The following KCNMA1 variants were observed in gnomAD, a reference collection of about 807,000 sequenced individuals.
The protein encoded by KCNMA1 is Calcium-activated potassium channel subunit alpha-1.
A neutral mutation model predicts 140.0 loss-of-function variants in KCNMA1; 29 were observed. The observed-to-expected ratio is 0.21, with a 90% CI of 0.15 to 0.28. KCNMA1 has a LOEUF of 0.28. Among genes scored for constraint, KCNMA1 ranks in the 10% least tolerant of loss-of-function variants. The pLI, the probability that KCNMA1 is intolerant of heterozygous loss-of-function variation, is 1.00. For synonymous variants in KCNMA1, 612 were observed against 611.9 expected (o/e 1.00, Z 0.00); for missense variants, 880 against 1,602.2 (o/e 0.55, Z 7.70).
At chr10:77,409,720 T>A (rs4378328) in intron 1 of KCNMA1, among the ~76,000 whole-genome samples, 58,376 of 151,988 alleles carry the variant, frequency 0.38, 14,436 homozygotes, top group African/African-American at 0.71. Flanking sequence ...CACAGCCCCA[T>A]CCCTCAGATT....
At chr10:77,152,818 G>A (rs1402620080) in intron 5 of KCNMA1, among the ~76,000 whole-genome samples, 4 of 152,202 alleles carry the variant, frequency 2.6e-5, no homozygotes, top group Admixed American at 1.3e-4. Flanking sequence ...GGCACCAACA[G>A]GGCCAGCCTC....
chr10:77,401,896 C>T (rs977629390), intron 2 of KCNMA1, among the ~76,000 whole-genome samples: 1 of 152,200 alleles, frequency 6.6e-6, no homozygotes, highest in Non-Finnish European at 1.5e-5. Flanking sequence ...CACTTATCCT[C>T]CATGCATTCC....
At chr10:77,514,167 C>A (rs1347848166) in intron 1 of KCNMA1, among the ~76,000 whole-genome samples, 1 of 152,216 alleles carries the variant, frequency 6.6e-6, no homozygotes, top group Non-Finnish European at 1.5e-5. Context: ...TGCGTCAGAC[C>A]TTACTCAGGG....
At chr10:77,103,926 G>A (rs374539619) in intron 9 of KCNMA1, among the ~76,000 whole-genome samples, 80 of 152,294 alleles carry the variant, frequency 5.3e-4, no homozygotes, top group African/African-American at 1.9e-3. Context: ...TATACGGAAA[G>A]GTGGAGGAAG....
chr10:77,557,645 A>ATTT (rs148296325), intron 1 of KCNMA1, among the ~76,000 whole-genome samples: 30 of 131,914 alleles, frequency 2.3e-4, no homozygotes, highest in African/African-American at 4.0e-4. Flanking sequence ...CCAGGAAGTG[A>ATTT]TTTTTTTTTT....
intron 1 of KCNMA1, among the ~76,000 whole-genome samples, chr10:77,554,345 C>G (rs1441141317): frequency 6.6e-6 from 1 of 151,864 alleles, no homozygotes; most frequent in Non-Finnish European, 1.5e-5. Flanking sequence ...ACCTATAATC[C>G]CAGCACTTTG....
chr10:77,039,883 C>CTT (rs34943268), intron 14 of KCNMA1, among the ~76,000 whole-genome samples: 50,286 of 79,274 alleles, frequency 0.63, 15,948 homozygotes, highest in Admixed American at 0.66. Context: ...TTTTCTTTTT[C>CTT]TTTTTTTTTT....
chr10:76,897,856 T>A (rs2043257367), intron 25 of KCNMA1, among the ~76,000 whole-genome samples: 1 of 151,964 alleles, frequency 6.6e-6, no homozygotes, highest in Non-Finnish European at 1.5e-5. Context: ...AATAAAGGCA[T>A]GAAAATTGCC....
At chr10:77,442,950 G>T (rs529145479) in intron 1 of KCNMA1, among the ~76,000 whole-genome samples, 3 of 152,262 alleles carry the variant, frequency 2.0e-5, no homozygotes, top group South Asian at 4.2e-4. Flanking sequence ...CCTGGCTCAG[G>T]GTCCCTCACT....
intron 5 of KCNMA1, among the ~76,000 whole-genome samples, chr10:77,181,791 C>G (rs1222367485): frequency 2.0e-5 from 3 of 151,918 alleles, no homozygotes; most frequent in African/African-American, 7.3e-5. Flanking sequence ...ATACGATAAG[C>G]AAAAAATCCA....
At chr10:76,946,437 G>A (rs995324382) in intron 22 of KCNMA1, among the ~76,000 whole-genome samples, 1 of 152,202 alleles carries the variant, frequency 6.6e-6, no homozygotes, top group Non-Finnish European at 1.5e-5. Flanking sequence ...CCTTTCTGGA[G>A]AACTGGCTTT....
intron 2 of KCNMA1, among the ~76,000 whole-genome samples, chr10:77,307,858 T>G (rs2078216051): frequency 6.6e-6 from 1 of 152,122 alleles, no homozygotes; most frequent in African/African-American, 2.4e-5. Context: ...CTAAACACAT[T>G]TTTAACTTAT....
chr10:77,331,067 C>T (rs759411370), intron 2 of KCNMA1, among the ~76,000 whole-genome samples: 7 of 152,114 alleles, frequency 4.6e-5, no homozygotes, highest in Non-Finnish European at 5.9e-5. Flanking sequence ...AACACACTGG[C>T]TCCAGTCTAA....
At chr10:77,564,123 G>A (rs565565511) in intron 1 of KCNMA1, among the ~76,000 whole-genome samples, 5 of 152,270 alleles carry the variant, frequency 3.3e-5, no homozygotes, top group East Asian at 1.9e-4. Context: ...GAATTATACC[G>A]GGCAGAAAAC....
intron 2 of KCNMA1, among the ~76,000 whole-genome samples, chr10:77,401,851 C>A (rs2096277993): frequency 1.3e-5 from 2 of 152,294 alleles, no homozygotes; most frequent in South Asian, 4.1e-4. Flanking sequence ...CCCCTCCCCA[C>A]ACTCCACAAG....
chr10:76,929,735 T>C lies in KCNMA1; in HGVS notation c.2903-14686A>G, dbSNP rs537706571. ...TGTCTAATTTAATTGCTCTGGAGTA[T>C]GGCCTGAGCATTTCAAGAATGTTAA... On this transcript the variant is annotated intron_variant, in intron 23 of 27. Coordinates refer to ENST00000286628, the MANE Select transcript of KCNMA1 (RefSeq NM_001161352.2). Among the ~76,000 whole-genome samples, 5 of 152,296 alleles carry C rather than the reference T, an allele frequency of 3.3e-5. No individual in the cohort carries two copies. In the South Asian group the frequency reaches 1.0e-3, roughly 32 times the overall value.
At chr10:76,877,960 C>A in intron 29 of KCNMA1, 4 of 1,501,008 alleles carry the variant, frequency 2.7e-6, no homozygotes, top group Non-Finnish European at 2.7e-6. Context: ...TAGGGTAAAG[C>A]CTTTGGAAAG....
chr10:77,457,321 G>A (rs1156258047), intron 1 of KCNMA1, among the ~76,000 whole-genome samples: 1 of 152,178 alleles, frequency 6.6e-6, no homozygotes, highest in Non-Finnish European at 1.5e-5. Context: ...GGGGCAGGCA[G>A]AAACCAGGAC....
intron 23 of KCNMA1, among the ~76,000 whole-genome samples, chr10:76,919,353 CTGAA>C (rs1312394597): frequency 6.6e-6 from 1 of 152,176 alleles, no homozygotes; most frequent in African/African-American, 2.4e-5. Flanking sequence ...CAAAGACCAC[CTGAA>C]CTCCTTACAC....
Sources: allele counts gnomAD v4.1 joint callset (sites outside exome capture counted in the v4.1 genomes callset), GRCh38; gene constraint gnomAD v4.1.1; transcripts MANE v1.5; gene names NCBI Gene and HGNC (gene_info 2026-07-23, HGNC 2026-07-21).